EYS: variants seen among roughly 807,000 people sequenced by gnomAD.
EYS encodes the protein protein eyes shut homolog.
EYS carries 250 observed loss-of-function variants against 282.1 expected under a neutral mutation model. The ratio of observed to expected loss-of-function variants is 0.89; its 90% CI spans 0.80 to 0.98. The LOEUF (loss-of-function observed/expected upper bound fraction) is 0.98. Ranked by LOEUF, EYS falls within the 50% of genes least tolerant of loss-of-function variation. The pLI is 0.00. For synonymous variants in EYS, 1,355 were observed against 1,282.9 expected (o/e 1.06, Z -1.20); for missense variants, 4,016 against 3,709.0 (o/e 1.08, Z -2.15).
At chr6:64,950,798 CATATATATATATAT>C (rs1171736217) in intron 14 of EYS, among the ~76,000 whole-genome samples, 5 of 54,236 alleles carry the variant, frequency 9.2e-5, no homozygotes, top group African/African-American at 2.9e-4. Context: ...TATACATATA[CATATATATATATAT>C]ATATATATAT....
chr6:63,785,374 ATCT>A (rs1770335596), intron 39 of EYS, among the ~76,000 whole-genome samples: 2 of 151,948 alleles, frequency 1.3e-5, no homozygotes, highest in South Asian at 4.2e-4. Context: ...CTTCTTCCAT[ATCT>A]TCTTGTCTTC....
chr6:63,903,042 A>T (rs895111505), intron 35 of EYS, among the ~76,000 whole-genome samples: 1 of 152,148 alleles, frequency 6.6e-6, no homozygotes, highest in Non-Finnish European at 1.5e-5. Flanking sequence ...TTGGAGGTGC[A>T]CTAAGGATCC....
intron 15 of EYS, among the ~76,000 whole-genome samples, chr6:64,944,027 G>C (rs1162004596): frequency 6.6e-6 from 1 of 152,072 alleles, no homozygotes; most frequent in Non-Finnish European, 1.5e-5. Flanking sequence ...CAGACACACA[G>C]ATCAGTGGAA....
At chr6:64,191,386 G>C (rs1241398696) in intron 31 of EYS, among the ~76,000 whole-genome samples, 2 of 151,840 alleles carry the variant, frequency 1.3e-5, no homozygotes, top group Non-Finnish European at 2.9e-5. Flanking sequence ...CAATGTGCAG[G>C]TTAGTTACAT....
At chr6:65,069,397 G>C (rs1388867200) in intron 12 of EYS, among the ~76,000 whole-genome samples, 1 of 151,906 alleles carries the variant, frequency 6.6e-6, no homozygotes, top group Non-Finnish European at 1.5e-5. Flanking sequence ...CAGAACAAGT[G>C]ACTTCTGCCT....
At chr6:64,599,535 G>T (rs114059389) in intron 24 of EYS, among the ~76,000 whole-genome samples, 1,566 of 152,242 alleles carry the variant, frequency 0.01, 20 homozygotes, top group African/African-American at 0.036. Context: ...TTACAGATTG[G>T]AGGATAGATC....
chr6:64,289,639 A>T (rs1313597440), intron 30 of EYS, among the ~76,000 whole-genome samples: 2 of 152,070 alleles, frequency 1.3e-5, no homozygotes, highest in Non-Finnish European at 2.9e-5. Context: ...AACTACACAA[A>T]TATATGCTTT....
intron 12 of EYS, among the ~76,000 whole-genome samples, chr6:65,280,827 G>T (rs180723079): frequency 6.2e-4 from 92 of 149,006 alleles, no homozygotes; most frequent in African/African-American, 2.1e-3. Flanking sequence ...AGACAAGCCT[G>T]ACCAGCAAAG....
chr6:64,456,300 T>C (rs1343995126), intron 26 of EYS, among the ~76,000 whole-genome samples: 2 of 152,126 alleles, frequency 1.3e-5, no homozygotes, highest in Non-Finnish European at 1.5e-5. Flanking sequence ...CAAGAAGACT[T>C]AGTTTTAATA....
intron 1 of EYS, among the ~76,000 whole-genome samples, chr6:65,695,392 A>C (rs2149847670): frequency 6.6e-6 from 1 of 152,252 alleles, no homozygotes; most frequent in Non-Finnish European, 1.5e-5. Flanking sequence ...GAATTAAAAC[A>C]CAATTCTGTT....
intron 22 of EYS, among the ~76,000 whole-genome samples, chr6:64,774,077 T>C (rs1260891701): frequency 6.6e-6 from 1 of 151,938 alleles, no homozygotes. Context: ...TCAAATCCCT[T>C]ATGAATTACC....
At chr6:64,247,610 C>T (rs1767060728) in intron 30 of EYS, among the ~76,000 whole-genome samples, 1 of 151,894 alleles carries the variant, frequency 6.6e-6, no homozygotes, top group African/African-American at 2.4e-5. Flanking sequence ...AAACCGGGAC[C>T]CTTTGAAGGA....
rs75928697 is a variant in EYS at position 64,964,620 on chromosome 6, G to C, written c.2260-18706C>G. On this transcript the variant is annotated intron_variant, in intron 14 of 42. Transcript: ENST00000503581. ...CAGCAAGCAATTCATCAAAGTATGA[G>C]CTATATTCTTTGCTCTTTAGCGGAT... Among the ~76,000 whole-genome samples, 1,252 of 152,206 alleles carry C rather than the reference G, an allele frequency of 8.2e-3. 19 individuals are homozygous for C. Among genetic ancestry groups the C allele is most frequent in the African/African-American group, 0.029 (1,191 of 41,524 alleles).
chr6:64,726,432 C>T (rs531868964), intron 22 of EYS, among the ~76,000 whole-genome samples: 1 of 152,144 alleles, frequency 6.6e-6, no homozygotes, highest in East Asian at 1.9e-4. Flanking sequence ...AATATGCAAA[C>T]ATGATCTATG....
chr6:64,286,086 G>T (rs1304818101), intron 30 of EYS, among the ~76,000 whole-genome samples: 1 of 152,104 alleles, frequency 6.6e-6, no homozygotes, highest in African/African-American at 2.4e-5. Flanking sequence ...CAATATAGTG[G>T]GTTTTAAGCA....
At chr6:64,276,579 C>T (rs200074323) in intron 30 of EYS, among the ~76,000 whole-genome samples, 1 of 151,878 alleles carries the variant, frequency 6.6e-6, no homozygotes, top group African/African-American at 2.4e-5. Context: ...AGAGACTGAA[C>T]AAGCCACACT....
At chr6:65,433,733 G>A (rs1168674986) in intron 5 of EYS, among the ~76,000 whole-genome samples, 2 of 152,140 alleles carry the variant, frequency 1.3e-5, no homozygotes, top group Non-Finnish European at 2.9e-5. Flanking sequence ...AATGGTACTA[G>A]AATGAACCAA....
intron 12 of EYS, among the ~76,000 whole-genome samples, chr6:65,288,281 G>A (rs1768425842): frequency 6.6e-6 from 1 of 150,718 alleles, no homozygotes; most frequent in Non-Finnish European, 1.5e-5. Context: ...GAACTGGAGT[G>A]AATAGCTGAA....
intron 31 of EYS, among the ~76,000 whole-genome samples, chr6:64,168,646 T>G (rs1764377955): frequency 6.6e-6 from 1 of 152,076 alleles, no homozygotes; most frequent in Non-Finnish European, 1.5e-5. Context: ...AAGCCAGATA[T>G]GAAATACCAC....
Sources: gnomAD v4.1 joint callset for allele counts (sites outside exome capture counted in the v4.1 genomes callset) on GRCh38, gnomAD v4.1.1 for gene constraint, MANE v1.5 for transcripts, NCBI Gene and HGNC (gene_info 2026-07-23, HGNC 2026-07-21) for gene names.